Variants in COL25A1 observed in about 807,000 individuals in gnomAD.
The protein encoded by COL25A1 is collagen alpha-1(XXV) chain.
Under a neutral mutation model 128.4 loss-of-function variants are expected in COL25A1, and 103 were observed. The observed-to-expected ratio is 0.80, with a 90% CI of 0.68 to 0.94. The LOEUF is 0.94. Ranked by LOEUF, COL25A1 falls within the 40% of genes least tolerant of loss-of-function variation. The pLI, the probability that COL25A1 is intolerant of heterozygous loss-of-function variation, is 0.00. For missense variants in COL25A1, 745 were observed against 840.0 expected (o/e 0.89, Z 1.40); for synonymous variants, 279 against 277.2 (o/e 1.01, Z -0.06).
chr4:108,868,991 AAAAG>A (rs1195276248), intron 20 of COL25A1, 93 bp downstream of exon 20: 6 of 736,722 alleles, frequency 8.1e-6, no homozygotes, highest in Middle Eastern at 2.4e-4. Flanking sequence ...GAAAGACAAT[AAAAG>A]AAAGAGAAAG....
At chr4:108,821,077 A>C (rs962674205) in intron 35 of COL25A1, among the ~76,000 whole-genome samples, 5 of 152,244 alleles carry the variant, frequency 3.3e-5, no homozygotes, top group Non-Finnish European at 7.3e-5. Flanking sequence ...ATAATGTCTG[A>C]AGCAAAGCAA....
chr4:109,085,206 T>A (rs1199501173), intron 3 of COL25A1, among the ~76,000 whole-genome samples: 1 of 152,188 alleles, frequency 6.6e-6, no homozygotes, highest in Non-Finnish European at 1.5e-5. Flanking sequence ...GAGTCCTGCA[T>A]CTAAAGAGTC....
chr4:109,144,197 C>T (rs928655065), intron 3 of COL25A1, among the ~76,000 whole-genome samples: 1 of 152,174 alleles, frequency 6.6e-6, no homozygotes, highest in African/African-American at 2.4e-5. Flanking sequence ...CATTCCCAAC[C>T]CTGTTTGCCC....
chr4:108,910,583 G>T (rs1011697005), intron 13 of COL25A1, among the ~76,000 whole-genome samples: 8 of 152,160 alleles, frequency 5.3e-5, no homozygotes, highest in African/African-American at 1.9e-4. Context: ...CAAAGCTAGG[G>T]TTTTCTGAAT....
At chr4:109,013,774 A>C (rs978734018) in intron 5 of COL25A1, among the ~76,000 whole-genome samples, 1 of 152,168 alleles carries the variant, frequency 6.6e-6, no homozygotes, top group Non-Finnish European at 1.5e-5. Flanking sequence ...AAGAAACTCT[A>C]AGCACGTCCG....
intron 19 of COL25A1, among the ~76,000 whole-genome samples, chr4:108,880,070 A>C (rs1025100770): frequency 1.3e-5 from 2 of 152,184 alleles, no homozygotes; most frequent in African/African-American, 4.8e-5. Context: ...TGGCCTCCCA[A>C]AGTGCTGGGA....
Position 109,111,286 on chromosome 4 carries a change from C to T in COL25A1, c.368-61107G>A, listed in dbSNP as rs184388280. Among the ~76,000 whole-genome samples, 14 of 152,268 alleles carry T rather than the reference C, an allele frequency of 9.2e-5. No individual in the cohort carries two copies. The East Asian group carries it at 2.3e-3, about 25-fold the overall frequency. On this transcript the variant is annotated intron_variant, in intron 3 of 37. Transcript: ENST00000399132. ...CAGAATCCAGTCCAGGAAAATGTGCCCTGGCCTGACCCTATCCCACAGTCA... is the reference window on the plus strand; with the variant it reads ...CAGAATCCAGTCCAGGAAAATGTGCTCTGGCCTGACCCTATCCCACAGTCA...
chr4:108,937,510 T>C (rs1018768126), intron 11 of COL25A1, among the ~76,000 whole-genome samples: 6 of 152,174 alleles, frequency 3.9e-5, no homozygotes, highest in Non-Finnish European at 8.8e-5. Flanking sequence ...CTAATAGGCA[T>C]GCCCCTAAAT....
At chr4:109,274,354 TATC>T (rs1214951554) in intron 3 of COL25A1, among the ~76,000 whole-genome samples, 2 of 152,268 alleles carry the variant, frequency 1.3e-5, no homozygotes, top group East Asian at 3.9e-4. Flanking sequence ...AAGAAAAACA[TATC>T]ATTTTATAAG....
chr4:109,039,086 A>G (rs794149), intron 5 of COL25A1, among the ~76,000 whole-genome samples: 77,462 of 151,518 alleles, frequency 0.51, 21,894 homozygotes, highest in African/African-American at 0.75. Context: ...ACCTAAATCC[A>G]CCCCAGTCTC....
At chr4:108,834,373 G>A (rs911545978) in intron 31 of COL25A1, 19 of 1,550,378 alleles carry the variant, frequency 1.2e-5, no homozygotes, top group Middle Eastern at 1.7e-4. Context: ...CTGGCTTTCC[G>A]TCTAAGCCAG....
At chr4:109,125,877 T>C (rs866240130) in intron 3 of COL25A1, among the ~76,000 whole-genome samples, 49 of 152,186 alleles carry the variant, frequency 3.2e-4, no homozygotes, top group African/African-American at 1.1e-3. Context: ...TCTTGAATGA[T>C]TATTAAATAA....
chr4:109,146,625 TCAAA>T (rs1770968589), intron 3 of COL25A1, among the ~76,000 whole-genome samples: 1 of 152,194 alleles, frequency 6.6e-6, no homozygotes, highest in Non-Finnish European at 1.5e-5. Flanking sequence ...GCTGAAATGG[TCAAA>T]CACTTTTAGC....
At chr4:109,134,486 C>T (rs193033406) in intron 3 of COL25A1, among the ~76,000 whole-genome samples, 11 of 152,266 alleles carry the variant, frequency 7.2e-5, no homozygotes, top group Admixed American at 4.6e-4. Flanking sequence ...GGGCTTTCCA[C>T]TCCCTCTAAA....
At chr4:109,238,041 T>C (rs1223607913) in intron 3 of COL25A1, among the ~76,000 whole-genome samples, 2 of 152,094 alleles carry the variant, frequency 1.3e-5, no homozygotes, top group East Asian at 3.9e-4. Flanking sequence ...ATATACATAC[T>C]ACATTTTGTT....
At chr4:108,914,726 G>A (rs1373166390) in intron 13 of COL25A1, among the ~76,000 whole-genome samples, 1 of 139,634 alleles carries the variant, frequency 7.2e-6, no homozygotes, top group East Asian at 2.3e-4. Context: ...GCATGATCAC[G>A]GCTCACTGTA....
intron 11 of COL25A1, among the ~76,000 whole-genome samples, chr4:108,926,935 G>T (rs1309897193): frequency 6.6e-6 from 1 of 151,970 alleles, no homozygotes; most frequent in Non-Finnish European, 1.5e-5. Flanking sequence ...AGAGTGCACT[G>T]CAATGTTTTC....
At chr4:108,826,473 G>A (rs968374211) in intron 33 of COL25A1, among the ~76,000 whole-genome samples, 4 of 152,136 alleles carry the variant, frequency 2.6e-5, no homozygotes, top group African/African-American at 9.7e-5. Flanking sequence ...AGGAGGTGGA[G>A]GTTGCAGTGA....
rs113436182 is a variant in COL25A1, at chr4:108,843,297, G to GCTTA, written c.1629+1218_1629+1221dup. On this transcript the variant is annotated intron_variant, in intron 30 of 37. Coordinates refer to ENST00000399132, the MANE Select transcript of COL25A1 (RefSeq NM_198721.4). ...GAGCTAATCACTGGCTATGCTCTTG[G>GCTTA]CTTAGATCATTCCAATAATGCTCTT... Among the ~76,000 whole-genome samples the GCTTA allele has an allele frequency of 1.2e-4, 19 of 152,126 alleles. 1 individual carries two copies. The highest frequency in any genetic ancestry group is 4.6e-4 in the African/African-American group (19 of 41,510).
Sources: allele counts gnomAD v4.1 joint callset (sites outside exome capture counted in the v4.1 genomes callset), GRCh38; gene constraint gnomAD v4.1.1; transcripts MANE v1.5; gene names NCBI Gene and HGNC (gene_info 2026-07-23, HGNC 2026-07-21).